MMP19: variants seen among roughly 807,000 people sequenced by gnomAD.
MMP19 encodes matrix metallopeptidase 19.
MMP19 carries 47 observed loss-of-function variants against 46.6 expected under a neutral mutation model. The observed-to-expected ratio is 1.01, with a 90% CI of 0.80 to 1.29. The LOEUF (loss-of-function observed/expected upper bound fraction) is 1.29. MMP19 is among the 50% of genes most tolerant of loss of function. MMP19 has a pLI of 0.00. For synonymous variants in MMP19, 222 were observed against 248.5 expected (o/e 0.89, Z 1.00); for missense variants, 589 against 643.5 (o/e 0.92, Z 0.92).
chr12:55,839,888 C>A, intron 4 of MMP19, 147 bp from the exon 5 acceptor site: 1 of 1,108,356 alleles, frequency 9.0e-7, no homozygotes, highest in Non-Finnish European at 1.3e-6. Flanking sequence ...TCTCCCCTTT[C>A]AGATTCCCCT....
At position 55,837,208 on chromosome 12, in the gene MMP19, T is replaced by C. The variant is rs753310505; in HGVS notation, c.1355A>G (p.Asn452Ser). Reference protein sequence around the residue: ...FFKGKVYWRLNQQLRVEKGYP... With the variant: ...FFKGKVYWRLSQQLRVEKGYP... ...GCCTTTCTCTACTCGAAGCTGCTGG[T>C]TGAGGCGCCAGTAGACTTTGCCCTT... Residue 452 changes from asparagine to serine, a missense_variant, in exon 9 of 9, where the codon AAC (asparagine) becomes AGC (serine). By Grantham distance (46) the Asn-to-Ser change is conservative. Transcript: ENST00000322569. 1 of 1,614,236 alleles carries C rather than the reference T, an allele frequency of 6.2e-7. No individual in the cohort carries two copies. Among genetic ancestry groups the C allele is most frequent in the Non-Finnish European group, 8.5e-7 (1 of 1,180,032 alleles).
At chr12:55,838,567 C>T in intron 6 of MMP19, 39 bp downstream of exon 6, 1 of 1,614,002 alleles carries the variant, frequency 6.2e-7, no homozygotes. Context: ...GCAGGCTGCC[C>T]CCACCGCCTG....
intron 6 of MMP19, chr12:55,838,277 A>C (rs1436114573): frequency 3.2e-6 from 2 of 623,680 alleles, no homozygotes; most frequent in African/African-American, 3.7e-5. Context: ...CTCCCCTCCA[A>C]GTGGCTTCCT....
intron 5 of MMP19, 76 bp from the exon 6 acceptor site, chr12:55,838,810 G>T: frequency 7.7e-7 from 1 of 1,292,110 alleles, no homozygotes; most frequent in Non-Finnish European, 1.1e-6. Context: ...TGTAAGTTTT[G>T]CTCAGAGTCC....
intron 2 of MMP19, 176 bp from the exon 3 acceptor site, chr12:55,841,412 C>T: frequency 3.2e-6 from 2 of 629,986 alleles, no homozygotes; most frequent in Non-Finnish European, 5.4e-6. Flanking sequence ...CTCTTCTGTT[C>T]TGCAGAAATG....
chr12:55,838,838 G>A (rs1203716927), intron 5 of MMP19, 104 bp from the exon 6 acceptor site: 2 of 912,814 alleles, frequency 2.2e-6, no homozygotes, highest in Non-Finnish European at 3.3e-6. Context: ...GAGGGGAAAA[G>A]GGAATCCTAG....
At position 55,837,843 on chromosome 12, in the gene MMP19, C is replaced by A. The variant is rs771409903; in HGVS notation, c.1060G>T (p.Gly354Ter). ...AAGACACTGTAACTAGCCTCCTTAC[C>A]CTTAAAGAAGTGAATCCATTGTGTT... ...PRTQWIHFFK[G>*]DKVWRYINFK... The change falls in exon 7 of 9, where the codon GGA (glycine) becomes TGA (stop). Residue 354 changes from glycine (G) to a stop codon, truncating the protein, a stop_gained and splice_region_variant. Coordinates refer to ENST00000322569, the MANE Select transcript of MMP19 (RefSeq NM_002429.6). LOFTEE classifies it high-confidence loss of function. 1 of 1,603,264 alleles carries A rather than the reference C, an allele frequency of 6.2e-7. No individual in the cohort carries two copies. Among genetic ancestry groups the A allele is most frequent in the South Asian group, 1.1e-5 (1 of 90,626 alleles).
chr12:55,839,241 CAA>C (rs763182567), intron 5 of MMP19, among the ~76,000 whole-genome samples: 4 of 58,768 alleles, frequency 6.8e-5, no homozygotes, highest in Non-Finnish European at 1.0e-4. Context: ...GGCTCTATCT[CAA>C]AAAAAAAAAA....
In MMP19 at chr12:55,838,671, G is replaced by A. The variant is rs138914662; in HGVS notation, c.830C>T (p.Pro277Leu). 5.6e-6 allele frequency: 9 copies of A among 1,613,504 alleles called. No individual in the cohort carries two copies. In the African/African-American group the frequency reaches 1.1e-4, roughly 19 times the overall value. The stretch of plus-strand genomic sequence containing the variant: ...CATGGGACTGGGTTCTGTGGGCACT[G>A]GGGGCACAGTGGGCAGCTCTGTCTC... ...EEETELPTVP[P>L]VPTEPSPMPD... Residue 277 changes from proline to leucine, a missense_variant, in exon 6 of 9, where the codon CCA becomes CTA. Coordinates refer to ENST00000322569, the MANE Select transcript of MMP19 (RefSeq NM_002429.6).
At chr12:55,841,302 T>C (rs1881678985) in intron 2 of MMP19, 66 bp from the exon 3 acceptor site, 1 of 1,563,470 alleles carries the variant, frequency 6.4e-7, no homozygotes, top group Non-Finnish European at 8.7e-7. Context: ...AGATGATTGC[T>C]CTTTGACTTC....
chr12:55,841,092 G>A lies in MMP19; in HGVS notation c.304+14C>T, dbSNP rs1399699503. Reference sequence around the variant, plus strand: ...CCCCCTCCTCTCCCTCTCTTTTCCAGGCTCTGTTCTCACCCAGCAACAGGT... The same window carrying A: ...CCCCCTCCTCTCCCTCTCTTTTCCAAGCTCTGTTCTCACCCAGCAACAGGT... On this transcript the variant is annotated intron_variant, in intron 3 of 8. Transcript: ENST00000322569. The A allele has an allele frequency of 6.2e-7, 1 of 1,607,866 alleles. No individual in the cohort carries two copies. The highest frequency in any genetic ancestry group is 1.7e-5 in the Admixed American group (1 of 59,932).
At chr12:55,838,301 A>G in intron 6 of MMP19, 1 of 639,002 alleles carries the variant, frequency 1.6e-6, no homozygotes. Flanking sequence ...TGTCCTTCCA[A>G]CCAGGTGCAC....
chr12:55,841,319 C>T, intron 2 of MMP19, 83 bp from the exon 3 acceptor site: 3 of 1,512,780 alleles, frequency 2.0e-6, no homozygotes, highest in Non-Finnish European at 2.7e-6. Context: ...CTTCCTGCTG[C>T]CCAAGTTCAT....
rs1385600862 is a variant in MMP19, at chr12:55,835,590, T to C, written c.*1446A>G. Reference sequence around the variant, plus strand: ...CCTCGTCTTGAAATAGCCTTTTAAATGTTCACCTCAGCTTGCCTCACAGTG... The same window carrying C: ...CCTCGTCTTGAAATAGCCTTTTAAACGTTCACCTCAGCTTGCCTCACAGTG... On this transcript the variant is annotated 3_prime_UTR_variant, in exon 9 of 9. Transcript: ENST00000322569. 1 of 152,214 alleles carries C rather than the reference T, an allele frequency of 6.6e-6. No homozygotes were observed. Among genetic ancestry groups the C allele is most frequent in the Non-Finnish European group, 1.5e-5 (1 of 68,056 alleles). The allele number at this position is 152,214 out of a possible 1,614,324, so 9.4% of individuals were successfully genotyped here.
rs1881260510 is a variant in MMP19, at chr12:55,836,969, G to A, written c.*67C>T. ...CTATTAGGCCTTAGGCTTCTGGGGG[G>A]GAAATGAAAGGGTGGGTGGTGGAGC... On this transcript the variant is annotated 3_prime_UTR_variant, in exon 9 of 9. Coordinates refer to ENST00000322569, the MANE Select transcript of MMP19 (RefSeq NM_002429.6). 8 of 1,386,806 alleles carry A rather than the reference G, an allele frequency of 5.8e-6. No homozygotes were observed. Among genetic ancestry groups the A allele is most frequent in the Admixed American group, 2.2e-5 (1 of 44,878 alleles). 85.9% of individuals were successfully genotyped at this position (1,386,806 alleles called of 1,614,324 possible).
intron 1 of MMP19, 116 bp downstream of exon 1, chr12:55,842,628 A>C: frequency 1.1e-6 from 1 of 919,592 alleles, no homozygotes; most frequent in Non-Finnish European, 1.7e-6. Context: ...ACCATGGGGC[A>C]GAGAGAGCAA....
At chr12:55,841,794 G>C (rs12815039) in intron 2 of MMP19, among the ~76,000 whole-genome samples, 20,042 of 152,014 alleles carry the variant, frequency 0.13, 1,677 homozygotes, top group Non-Finnish European at 0.19. Context: ...CTTTCCACTA[G>C]TGCTCCCACC....
Position 55,842,928 on chromosome 12 carries a change from C to A in MMP19, c.-98G>T. The A allele has an allele frequency of 1.1e-6, 1 of 908,266 alleles. No homozygotes were observed. Among genetic ancestry groups the A allele is most frequent in the Non-Finnish European group, 1.7e-6 (1 of 582,004 alleles). The allele number at this position is 908,266 out of a possible 1,614,324, so 56.3% of individuals were successfully genotyped here. Reference sequence around the variant, plus strand: ...AGTGCTAGGCAGAGGGGCTCTTACCCCCAGTTCTTTTTACTCTCCAGCCTC... The same window carrying A: ...AGTGCTAGGCAGAGGGGCTCTTACCACCAGTTCTTTTTACTCTCCAGCCTC... On this transcript the variant is annotated 5_prime_UTR_variant, in exon 1 of 9. Coordinates refer to ENST00000322569, the MANE Select transcript of MMP19 (RefSeq NM_002429.6).
intron 2 of MMP19, 41 bp downstream of exon 2, chr12:55,842,312 G>A (rs1459861398): frequency 2.0e-6 from 3 of 1,512,838 alleles, no homozygotes; most frequent in Non-Finnish European, 2.8e-6. Context: ...AGAAGACCTT[G>A]AGACCTTAGC....
Sources: gnomAD v4.1 joint callset for allele counts (sites outside exome capture counted in the v4.1 genomes callset) on GRCh38, gnomAD v4.1.1 for gene constraint, MANE v1.5 for transcripts, NCBI Gene and HGNC (gene_info 2026-07-23, HGNC 2026-07-21) for gene names.